Variants in ZYG11B observed in about 807,000 individuals in gnomAD.
The protein encoded by ZYG11B is zyg-11 family member B, cell cycle regulator, also known as protein zyg-11 homolog B.
In ZYG11B, 36 loss-of-function variants were observed where a neutral mutation model predicts 82.4. That is an observed-to-expected ratio of 0.44 (90% CI 0.33 to 0.58). The LOEUF (loss-of-function observed/expected upper bound fraction) is 0.58, where lower values mean the gene tolerates loss of function less well. Ranked by LOEUF, ZYG11B falls within the 20% of genes least tolerant of loss-of-function variation. The probability of loss-of-function intolerance (pLI) is 0.02; values close to 1 mark genes in which losing one functional copy is unlikely to be tolerated. For missense variants in ZYG11B, 552 were observed against 895.6 expected (o/e 0.62, Z 4.90); for synonymous variants, 303 against 312.8 (o/e 0.97, Z 0.33).
At position 52,748,722 on chromosome 1, in the gene ZYG11B, G is replaced by A. The variant is rs111239877; in HGVS notation, c.31-7736G>A. On this transcript the variant is annotated intron_variant, in intron 1 of 13. Transcript: ENST00000294353. ...CACTGAAAATCTAAAAATTAGCTGG[G>A]CGTGGTGCACGCGCCTGTAATCCCA... 5.5e-3 allele frequency among the ~76,000 whole-genome samples: 831 copies of A among 152,172 alleles called. 3 individuals are homozygous for A. Among genetic ancestry groups the A allele is most frequent in the African/African-American group, 0.019 (783 of 41,516 alleles).
chr1:52,807,032 C>A (rs115538788), intron 10 of ZYG11B, among the ~76,000 whole-genome samples: 4,136 of 152,092 alleles, frequency 0.027, 148 homozygotes, highest in Middle Eastern at 0.13. Flanking sequence ...CTGTGTCCGG[C>A]AAATTTTTGT....
chr1:52,815,173 A>G (rs1379673960), intron 12 of ZYG11B, among the ~76,000 whole-genome samples: 1 of 151,752 alleles, frequency 6.6e-6, no homozygotes, highest in Non-Finnish European at 1.5e-5. Context: ...ATAACACTAG[A>G]TTTGGTTGGG....
intron 10 of ZYG11B, 143 bp from the exon 11 acceptor site, chr1:52,813,393 G>A (rs1011439135): frequency 4.8e-6 from 3 of 620,684 alleles, no homozygotes; most frequent in Non-Finnish European, 8.1e-6. Flanking sequence ...TCTGTAAACT[G>A]CCCTCATTTG....
intron 1 of ZYG11B, among the ~76,000 whole-genome samples, chr1:52,746,687 G>GT (rs11446988): frequency 0.28 from 9,228 of 33,296 alleles, 3,367 homozygotes; most frequent in Non-Finnish European, 0.36. Context: ...ATCGGCCACT[G>GT]TTTTTTTTTT....
chr1:52,743,301 C>G (rs933902497), intron 1 of ZYG11B, among the ~76,000 whole-genome samples: 1 of 149,520 alleles, frequency 6.7e-6, no homozygotes, highest in African/African-American at 2.5e-5. Context: ...AACCAGAGAC[C>G]CTTGTTCACT....
intron 10 of ZYG11B, among the ~76,000 whole-genome samples, chr1:52,811,985 C>T (rs1049239920): frequency 1.3e-5 from 2 of 151,786 alleles, no homozygotes; most frequent in East Asian, 3.9e-4. Context: ...GAGCTGAGAT[C>T]GCGCCACTGC....
At chr1:52,803,135 CACACAT>C (rs1645098474) in intron 10 of ZYG11B, among the ~76,000 whole-genome samples, 9 of 40,996 alleles carry the variant, frequency 2.2e-4, no homozygotes, top group South Asian at 7.9e-4. Context: ...TATATATATA[CACACAT>C]ATATATATAT....
At chr1:52,781,665 A>G (rs1558131898) in intron 4 of ZYG11B, among the ~76,000 whole-genome samples, 3 of 152,182 alleles carry the variant, frequency 2.0e-5, no homozygotes, top group African/African-American at 7.2e-5. Context: ...GGACTCTATT[A>G]TATTTGGCAC....
At chr1:52,812,112 T>G (rs7530897) in intron 10 of ZYG11B, among the ~76,000 whole-genome samples, 5,643 of 152,280 alleles carry the variant, frequency 0.037, 323 homozygotes, top group African/African-American at 0.13. Context: ...TTTATAATAT[T>G]TATAATAGCT....
At chr1:52,804,421 T>C (rs1205108251) in intron 10 of ZYG11B, among the ~76,000 whole-genome samples, 1 of 152,102 alleles carries the variant, frequency 6.6e-6, no homozygotes, top group Non-Finnish European at 1.5e-5. Flanking sequence ...GAGACCAGCC[T>C]GCCCAACATA....
intron 11 of ZYG11B, 27 bp from the exon 12 acceptor site, chr1:52,813,833 C>T: frequency 6.2e-7 from 1 of 1,613,832 alleles, no homozygotes; most frequent in Non-Finnish European, 8.5e-7. Flanking sequence ...TATTGTAATC[C>T]TTTCTTGTGT....
chr1:52,791,769 A>T (rs1644962363), intron 6 of ZYG11B, among the ~76,000 whole-genome samples: 1 of 152,252 alleles, frequency 6.6e-6, no homozygotes, highest in Non-Finnish European at 1.5e-5. Flanking sequence ...TATTTGAAAT[A>T]AACAATTTGG....
intron 4 of ZYG11B, 32 bp from the exon 5 acceptor site, chr1:52,784,845 G>C (rs748851198): frequency 1.9e-6 from 3 of 1,604,006 alleles, no homozygotes; most frequent in South Asian, 2.2e-5. Flanking sequence ...TATTTATAAG[G>C]TGAATTAAGA....
At chr1:52,764,128 T>C (rs1322696003) in intron 2 of ZYG11B, among the ~76,000 whole-genome samples, 3 of 152,050 alleles carry the variant, frequency 2.0e-5, no homozygotes, top group Non-Finnish European at 4.4e-5. Context: ...TTTTATTTTA[T>C]TTTATTTTAT....
rs528359378 is a variant in ZYG11B at position 52,773,730 on chromosome 1, C to T, written c.951+1956C>T. On this transcript the variant is annotated intron_variant, in intron 3 of 13. Coordinates refer to ENST00000294353, the MANE Select transcript of ZYG11B (RefSeq NM_024646.3). ...TGATCTTGGCTCACTACAACCTCTGCTTCCCAGGTTCAAGTGATTCTCCTG... is the reference window on the plus strand; with the variant it reads ...TGATCTTGGCTCACTACAACCTCTGTTTCCCAGGTTCAAGTGATTCTCCTG... 1.8e-3 allele frequency among the ~76,000 whole-genome samples: 241 copies of T among 136,846 alleles called. 2 individuals carry two copies. Among genetic ancestry groups the T allele is most frequent in the African/African-American group, 6.4e-3 (235 of 36,454 alleles). The allele number at this position is 136,846 out of a possible 152,430, so 89.8% of individuals were successfully genotyped here. A position where few individuals can be genotyped will look rare whatever the true frequency, so the allele number is the denominator to read the frequency against.
At chr1:52,751,935 A>G (rs1001651194) in intron 1 of ZYG11B, among the ~76,000 whole-genome samples, 4 of 151,284 alleles carry the variant, frequency 2.6e-5, no homozygotes, top group African/African-American at 9.7e-5. Flanking sequence ...TGTACTCTCA[A>G]CACAGAACAC....
intron 1 of ZYG11B, among the ~76,000 whole-genome samples, chr1:52,751,856 A>G (rs1051217711): frequency 2.0e-5 from 3 of 151,968 alleles, no homozygotes; most frequent in Non-Finnish European, 4.4e-5. Flanking sequence ...ACTCCTTTAT[A>G]TTCACACCAC....
intron 1 of ZYG11B, among the ~76,000 whole-genome samples, chr1:52,730,899 A>G (rs1014143330): frequency 7.3e-5 from 11 of 151,700 alleles, no homozygotes; most frequent in Non-Finnish European, 1.3e-4. Flanking sequence ...AATGGAATGG[A>G]ATAGTTAGGA....
chr1:52,735,668 C>T (rs1644373068), intron 1 of ZYG11B, among the ~76,000 whole-genome samples: 1 of 152,108 alleles, frequency 6.6e-6, no homozygotes, highest in Non-Finnish European at 1.5e-5. Flanking sequence ...TTCTGAATAG[C>T]TGGAACTACA....
Sources: allele counts gnomAD v4.1 joint callset (sites outside exome capture counted in the v4.1 genomes callset), GRCh38; gene constraint gnomAD v4.1.1; transcripts MANE v1.5; gene names NCBI Gene and HGNC (gene_info 2026-07-23, HGNC 2026-07-21).